EPB41L5: variants seen among roughly 807,000 people sequenced by gnomAD.
The protein encoded by EPB41L5 is band 4.1-like protein 5.
In EPB41L5, 55 loss-of-function variants were observed where a neutral mutation model predicts 106.6. The observed-to-expected ratio is 0.52, with a 90% CI of 0.42 to 0.65. EPB41L5 has a LOEUF of 0.65. EPB41L5 is among the 30% of genes least tolerant of loss of function. EPB41L5 has a pLI of 0.00. For missense variants in EPB41L5, 871 were observed against 882.1 expected (o/e 0.99, Z 0.16); for synonymous variants, 297 against 306.7 (o/e 0.97, Z 0.33).
chr2:120,023,540 G>C lies in EPB41L5; in HGVS notation c.180+4276G>C, dbSNP rs74844986. 7.7e-3 allele frequency among the ~76,000 whole-genome samples: 1,165 copies of C among 152,076 alleles called. 12 individuals carry two copies. The highest frequency in any genetic ancestry group is 0.027 in the African/African-American group (1,105 of 41,488). ...GGCCTCTGTTCTTTTCCATTGGTCCGTATGTCTGTTTTGGTACCAGTACCA... is the reference window on the plus strand; with the variant it reads ...GGCCTCTGTTCTTTTCCATTGGTCCCTATGTCTGTTTTGGTACCAGTACCA... On this transcript the variant is annotated intron_variant, in intron 2 of 24. Transcript: ENST00000263713.
intron 8 of EPB41L5, 28 bp downstream of exon 8, chr2:120,077,119 T>C: frequency 6.2e-7 from 1 of 1,604,166 alleles, no homozygotes; most frequent in Non-Finnish European, 8.5e-7. Flanking sequence ...ATACTTTCTT[T>C]AAAATCACCA....
At chr2:120,117,721 A>G (rs1343132753) in intron 16 of EPB41L5, among the ~76,000 whole-genome samples, 2 of 152,346 alleles carry the variant, frequency 1.3e-5, no homozygotes, top group African/African-American at 4.8e-5. Context: ...CCGTGAAACC[A>G]ACACCATAAT....
At chr2:120,143,468 G>C (rs901481012) in intron 19 of EPB41L5, among the ~76,000 whole-genome samples, 2 of 152,086 alleles carry the variant, frequency 1.3e-5, no homozygotes, top group Non-Finnish European at 2.9e-5. Flanking sequence ...TATGTAATTA[G>C]CAAAAAGAGT....
chr2:120,046,389 G>T (rs1443129322), intron 3 of EPB41L5, among the ~76,000 whole-genome samples: 1 of 152,098 alleles, frequency 6.6e-6, no homozygotes, highest in African/African-American at 2.4e-5. Context: ...GTTTTGATTT[G>T]CATTTCTCTG....
At chr2:120,057,011 G>A (rs1173978805) in intron 3 of EPB41L5, among the ~76,000 whole-genome samples, 1 of 152,058 alleles carries the variant, frequency 6.6e-6, no homozygotes, top group East Asian at 1.9e-4. Flanking sequence ...ATCCTCCCAT[G>A]TCAGCCTCCT....
intron 16 of EPB41L5, chr2:120,106,317 A>C (rs1358732946): frequency 1.0e-6 from 1 of 985,280 alleles, no homozygotes; most frequent in Admixed American, 6.1e-5. Flanking sequence ...ATTTTATAGA[A>C]GTTCCCATAT....
chr2:120,086,268 A>G (rs971943146), intron 10 of EPB41L5, among the ~76,000 whole-genome samples: 7 of 152,176 alleles, frequency 4.6e-5, no homozygotes, highest in Non-Finnish European at 1.0e-4. Context: ...TATGTTTTAC[A>G]TCTATTTTAT....
intron 2 of EPB41L5, among the ~76,000 whole-genome samples, chr2:120,029,018 GC>G (rs1184369387): frequency 6.6e-6 from 1 of 152,156 alleles, no homozygotes; most frequent in African/African-American, 2.4e-5. Context: ...TTGTGGAAGT[GC>G]CTGAAGGGAA....
At chr2:120,170,357 C>T (rs1031991737) in intron 24 of EPB41L5, among the ~76,000 whole-genome samples, 4 of 152,224 alleles carry the variant, frequency 2.6e-5, no homozygotes, top group African/African-American at 9.6e-5. Context: ...GCTTCAGGGT[C>T]TCTCACAGGC....
chr2:120,141,098 C>T (rs1305263103), intron 18 of EPB41L5, among the ~76,000 whole-genome samples: 1 of 152,036 alleles, frequency 6.6e-6, no homozygotes, highest in Non-Finnish European at 1.5e-5. Context: ...TCACATCCGG[C>T]CTGCATTATG....
chr2:120,081,290 G>C (rs567207769), intron 10 of EPB41L5, among the ~76,000 whole-genome samples: 1 of 152,246 alleles, frequency 6.6e-6, no homozygotes, highest in South Asian at 2.1e-4. Context: ...TTTGTATAAG[G>C]TGTAAGGAAG....
chr2:120,132,389 A>G (rs1211020477), intron 18 of EPB41L5, among the ~76,000 whole-genome samples: 1 of 152,168 alleles, frequency 6.6e-6, no homozygotes, highest in African/African-American at 2.4e-5. Context: ...GACAACTGAT[A>G]ACATGACCAA....
rs541480791 is a variant in EPB41L5 at position 120,156,074 on chromosome 2, G to T, written c.1794-4807G>T. On this transcript the variant is annotated intron_variant, in intron 20 of 24. Coordinates refer to ENST00000263713, the MANE Select transcript of EPB41L5 (RefSeq NM_020909.4). The stretch of plus-strand genomic sequence containing the variant: ...AGGGTTTGGTGCAGGAGCATCTATT[G>T]TGGAGCATGGCCAAGGACAGCCATC... Among the ~76,000 whole-genome samples, 3 of 152,282 alleles carry T rather than the reference G, an allele frequency of 2.0e-5. No homozygotes were observed. In the East Asian group the frequency reaches 5.8e-4, roughly 29 times the overall value.
rs187596135 is a variant in EPB41L5, at chr2:120,152,089, T to G, written c.1793+5800T>G. ...GAACAGAAGAGACAAAAACTGACAT[T>G]CTTATTTTATTCCTGAAAGGGATAA... On this transcript the variant is annotated intron_variant, in intron 20 of 24. Transcript: ENST00000263713. Among the ~76,000 whole-genome samples the G allele has an allele frequency of 2.1e-4, 32 of 152,328 alleles. No individual in the cohort carries two copies. The East Asian group carries it at 5.6e-3, about 27-fold the overall frequency.
intron 2 of EPB41L5, among the ~76,000 whole-genome samples, chr2:120,027,825 T>G (rs1678437616): frequency 6.6e-6 from 1 of 152,218 alleles, no homozygotes; most frequent in Non-Finnish European, 1.5e-5. Flanking sequence ...TGAAGGTATG[T>G]GACTTACAGC....
In EPB41L5 at chr2:120,154,059, T is replaced by A. The variant is rs1279290121; in HGVS notation, c.1794-6822T>A. 4.6e-5 allele frequency among the ~76,000 whole-genome samples: 7 copies of A among 152,208 alleles called. No homozygotes were observed. In the East Asian group the frequency reaches 1.3e-3, roughly 29 times the overall value. On this transcript the variant is annotated intron_variant, in intron 20 of 24. Transcript: ENST00000263713. Reference sequence around the variant, plus strand: ...TCTGTATGTCTTTTGTCAATTTTGTTCCTCAGTTTCTCCATTACTGTCTTC... The same window carrying A: ...TCTGTATGTCTTTTGTCAATTTTGTACCTCAGTTTCTCCATTACTGTCTTC...
chr2:120,134,806 T>A (rs1364225461), intron 18 of EPB41L5, among the ~76,000 whole-genome samples: 1 of 152,186 alleles, frequency 6.6e-6, no homozygotes, highest in Non-Finnish European at 1.5e-5. Context: ...CAGTTCCCTT[T>A]GAATAACTAC....
At chr2:120,036,127 T>TA (rs1679024025) in intron 2 of EPB41L5, among the ~76,000 whole-genome samples, 1 of 152,194 alleles carries the variant, frequency 6.6e-6, no homozygotes, top group Non-Finnish European at 1.5e-5. Context: ...GAATAAATCA[T>TA]AATAGCACTG....
At chr2:120,074,330 T>G in intron 5 of EPB41L5, 152 bp downstream of exon 5, 1 of 590,506 alleles carries the variant, frequency 1.7e-6, no homozygotes, top group Non-Finnish European at 3.0e-6. Context: ...CTGGGACGTG[T>G]TTTTTAAGTG....
Sources: allele counts gnomAD v4.1 joint callset (sites outside exome capture counted in the v4.1 genomes callset), GRCh38; gene constraint gnomAD v4.1.1; transcripts MANE v1.5; gene names NCBI Gene and HGNC (gene_info 2026-07-23, HGNC 2026-07-21).